CTIF: variants seen among roughly 807,000 people sequenced by gnomAD.
CTIF encodes the protein CBP80/20-dependent translation initiation factor.
Under a neutral mutation model 66.0 loss-of-function variants are expected in CTIF, and 21 were observed. The observed-to-expected ratio is 0.32, with a 90% CI of 0.23 to 0.46. The LOEUF is 0.46. Ranked by LOEUF, CTIF falls within the 20% of genes least tolerant of loss-of-function variation. The probability of loss-of-function intolerance (pLI) is 1.00; values close to 1 mark genes in which losing one functional copy is unlikely to be tolerated. For missense variants in CTIF, 739 were observed against 812.7 expected, an observed-to-expected ratio of 0.91 and a Z score of 1.10; for synonymous variants, 345 against 326.4, an observed-to-expected ratio of 1.06 and a Z score of -0.62.
chr18:48,736,981 A>G (rs1568177267), intron 7 of CTIF, among the ~76,000 whole-genome samples: 4 of 152,124 alleles, frequency 2.6e-5, no homozygotes, highest in Admixed American at 2.0e-4. Flanking sequence ...CCTGCTTTGC[A>G]TGCTTTCTTC....
chr18:48,709,425 C>T (rs1459129296), intron 6 of CTIF, among the ~76,000 whole-genome samples: 3 of 152,232 alleles, frequency 2.0e-5, no homozygotes, highest in African/African-American at 7.2e-5. Context: ...TGCCTGTGTG[C>T]AGGTAAGGAG....
At chr18:48,764,103 A>T (rs146671379) in intron 9 of CTIF, among the ~76,000 whole-genome samples, 99 of 151,984 alleles carry the variant, frequency 6.5e-4, no homozygotes, top group African/African-American at 2.3e-3. Flanking sequence ...TCCCACTCTG[A>T]GCATGCACCT....
At chr18:48,593,537 A>C (rs1275553791) in intron 1 of CTIF, among the ~76,000 whole-genome samples, 1 of 151,610 alleles carries the variant, frequency 6.6e-6, no homozygotes, top group African/African-American at 2.4e-5. Context: ...GCCTGCCACA[A>C]TGCCCGGCTA....
At chr18:48,558,805 G>A (rs1035783202) in intron 1 of CTIF, among the ~76,000 whole-genome samples, 6 of 152,166 alleles carry the variant, frequency 3.9e-5, no homozygotes, top group South Asian at 2.1e-4. Context: ...GATCATCTTA[G>A]CATCAAACAT....
chr18:48,672,288 C>G (rs1359749616), intron 6 of CTIF, among the ~76,000 whole-genome samples: 2 of 151,920 alleles, frequency 1.3e-5, no homozygotes, highest in Non-Finnish European at 2.9e-5. Flanking sequence ...CTCGTCTGGC[C>G]TTGGGTCCTG....
At chr18:48,642,468 G>A (rs560243705) in intron 3 of CTIF, among the ~76,000 whole-genome samples, 7 of 152,286 alleles carry the variant, frequency 4.6e-5, no homozygotes, top group Admixed American at 1.3e-4. Context: ...AGGGCACAGT[G>A]TTGGGATGTT....
rs1423139307 is a variant in CTIF at position 48,761,524 on chromosome 18, C to T, written c.1206C>T (p.Asn402=). The T allele has an allele frequency of 6.2e-7, 1 of 1,614,116 alleles. No individual in the cohort carries two copies. The highest frequency in any genetic ancestry group is 1.3e-5 in the African/African-American group (1 of 74,954). Residue 402 remains asparagine, a synonymous_variant, in exon 9 of 12, where the codon AAC becomes AAT. Coordinates refer to ENST00000256413, the MANE Select transcript of CTIF (RefSeq NM_014772.3). The surrounding 1 kb of genome is among the most constrained non-coding windows in gnomAD (Gnocchi z 4.2). ...KLTTFMEEAQ[N]STNSEEMLGE... ...CCACCTTCATGGAGGAGGCCCAGAA[C>T]TCCACCAACTCCGAGGAGATGCTGG...
chr18:48,703,676 T>C (rs1441379206), intron 6 of CTIF, among the ~76,000 whole-genome samples: 1 of 152,160 alleles, frequency 6.6e-6, no homozygotes, highest in African/African-American at 2.4e-5. Flanking sequence ...GGCATTGGAT[T>C]CTATGAAAGT....
At chr18:48,810,486 T>C in intron 9 of CTIF, among the ~76,000 whole-genome samples, 1 of 152,158 alleles carries the variant, frequency 6.6e-6, no homozygotes, top group East Asian at 1.9e-4. Flanking sequence ...CAATTGGCTA[T>C]TTTTTAATTG....
intron 6 of CTIF, among the ~76,000 whole-genome samples, chr18:48,676,552 G>A (rs1026006758): frequency 5.9e-5 from 9 of 152,170 alleles, no homozygotes; most frequent in African/African-American, 1.2e-4. Flanking sequence ...TGTCCAGAGC[G>A]TGTGACTCAG....
At chr18:48,742,205 C>T (rs1325642520) in intron 7 of CTIF, among the ~76,000 whole-genome samples, 8 of 152,188 alleles carry the variant, frequency 5.3e-5, no homozygotes, top group South Asian at 4.1e-4. Context: ...AGACAACACA[C>T]GAGCTCCTCA....
chr18:48,769,572 A>G (rs903782628), intron 9 of CTIF, among the ~76,000 whole-genome samples: 2 of 152,248 alleles, frequency 1.3e-5, no homozygotes, highest in Non-Finnish European at 2.9e-5. Flanking sequence ...CTGGCCTGGC[A>G]TCACAGGAGG....
chr18:48,854,374 G>A (rs546724094), intron 10 of CTIF, among the ~76,000 whole-genome samples: 64 of 152,286 alleles, frequency 4.2e-4, no homozygotes, highest in African/African-American at 1.5e-3. Flanking sequence ...GCTATGGAGT[G>A]CGGCCCTTTA....
intron 10 of CTIF, among the ~76,000 whole-genome samples, chr18:48,829,800 A>G (rs1184812243): frequency 6.6e-6 from 1 of 152,234 alleles, no homozygotes; most frequent in Non-Finnish European, 1.5e-5. Flanking sequence ...TCTTTCTCCA[A>G]CCGACTCCAG....
At position 48,771,794 on chromosome 18, in the gene CTIF, C is replaced by A. The variant is rs181730239; in HGVS notation, c.1371+10105C>A. Among the ~76,000 whole-genome samples the A allele has an allele frequency of 3.4e-3, 522 of 152,340 alleles. 2 individuals carry two copies. Among genetic ancestry groups the A allele is most frequent in the Middle Eastern group, 0.031 (9 of 294 alleles). On this transcript the variant is annotated intron_variant, in intron 9 of 11. Coordinates refer to ENST00000256413, the MANE Select transcript of CTIF (RefSeq NM_014772.3). ...GCAGGAGACAGCAGATCCTTCCCCC[C>A]AGCTCTGTGAGCGGCCGGCCCCCAG...
chr18:48,602,182 T>G (rs937934012), intron 1 of CTIF, among the ~76,000 whole-genome samples: 30 of 152,332 alleles, frequency 2.0e-4, no homozygotes, highest in Admixed American at 1.8e-3. Flanking sequence ...TGAGTATGAA[T>G]GTCGTTAAAG....
chr18:48,840,540 C>T (rs1376579854), intron 10 of CTIF, among the ~76,000 whole-genome samples: 1 of 152,178 alleles, frequency 6.6e-6, no homozygotes, highest in Non-Finnish European at 1.5e-5. Context: ...ATTAACTTCT[C>T]TTATCTCCGA....
At chr18:48,765,364 G>A (rs1036841818) in intron 9 of CTIF, among the ~76,000 whole-genome samples, 6 of 152,012 alleles carry the variant, frequency 3.9e-5, no homozygotes, top group Non-Finnish European at 8.8e-5. Context: ...GCCCCCATAG[G>A]ATCAGGTTCA....
intron 1 of CTIF, among the ~76,000 whole-genome samples, chr18:48,607,079 T>C (rs1469270711): frequency 3.3e-5 from 5 of 152,186 alleles, no homozygotes; most frequent in African/African-American, 1.2e-4. Flanking sequence ...TATTGATGAT[T>C]TGCTTTCCTG....
Sources: gnomAD v4.1 joint callset for allele counts (sites outside exome capture counted in the v4.1 genomes callset) on GRCh38, gnomAD v4.1.1 for gene constraint, Gnocchi (gnomAD v3.1) non-coding constraint, MANE v1.5 for transcripts, NCBI Gene and HGNC (gene_info 2026-07-23, HGNC 2026-07-21) for gene names.